Variants in ST8SIA2 observed in about 807,000 individuals in gnomAD.
The protein encoded by ST8SIA2 is alpha-2,8-sialyltransferase 8B.
A neutral mutation model predicts 37.6 loss-of-function variants in ST8SIA2; 22 were observed. That is an observed-to-expected ratio of 0.58 (90% CI 0.42 to 0.83). The LOEUF (loss-of-function observed/expected upper bound fraction) is 0.83. Among genes scored for constraint, ST8SIA2 ranks in the 40% least tolerant of loss-of-function variants. ST8SIA2 has a pLI of 0.00. For synonymous variants in ST8SIA2, 205 were observed against 201.2 expected (o/e 1.02, Z -0.16); for missense variants, 382 against 484.7 (o/e 0.79, Z 1.99).
chr15:92,402,670 A>G (rs1243747613), intron 1 of ST8SIA2, among the ~76,000 whole-genome samples: 2 of 152,172 alleles, frequency 1.3e-5, no homozygotes, highest in East Asian at 3.8e-4. Context: ...CATGGCAGCC[A>G]AAAGATCAGT....
At chr15:92,463,891 G>T (rs373104638) in intron 5 of ST8SIA2, among the ~76,000 whole-genome samples, 1 of 151,958 alleles carries the variant, frequency 6.6e-6, no homozygotes, top group Non-Finnish European at 1.5e-5. Flanking sequence ...ATAAACTCGT[G>T]TCTGTGACCG....
intron 5 of ST8SIA2, among the ~76,000 whole-genome samples, chr15:92,448,890 C>T (rs1196738377): frequency 6.6e-6 from 1 of 151,900 alleles, no homozygotes; most frequent in Non-Finnish European, 1.5e-5. Flanking sequence ...ATCTTGTTTC[C>T]TTATGTTAAG....
chr15:92,451,781 A>G (rs2049883801), intron 5 of ST8SIA2, among the ~76,000 whole-genome samples: 1 of 152,170 alleles, frequency 6.6e-6, no homozygotes, highest in African/African-American at 2.4e-5. Flanking sequence ...TTTTAAAGAT[A>G]GGAAAACTGA....
rs537970836 is a variant in ST8SIA2, at chr15:92,426,028, C to T, written c.99-4021C>T. Among the ~76,000 whole-genome samples, 9 of 152,148 alleles carry T rather than the reference C, an allele frequency of 5.9e-5. No homozygotes were observed. In the South Asian group the frequency reaches 1.5e-3, roughly 25 times the overall value. On this transcript the variant is annotated intron_variant, in intron 1 of 5. Coordinates refer to ENST00000268164, the MANE Select transcript of ST8SIA2 (RefSeq NM_006011.4). ...CAGAAAATAAAAGACATGGTTAACA[C>T]GCCCCCTCGAGGACTTACACTTTAT...
chr15:92,444,803 G>A lies in ST8SIA2; in HGVS notation c.716G>A (p.Trp239Ter). The change falls in exon 5 of 6, where the codon TGG (tryptophan) becomes TAG (stop). Residue 239 changes from tryptophan (W) to a stop codon, truncating the protein, a stop_gained. Coordinates refer to ENST00000268164, the MANE Select transcript of ST8SIA2 (RefSeq NM_006011.4). LOFTEE classifies it high-confidence loss of function. ...CACAGCCTCAATGGCAGCATCCTGT[G>A]GATCCCTGCCTTCATGGCCCGGGGC... ...RLHSLNGSILWIPAFMARGGK... is the reference protein window; with the variant it reads ...RLHSLNGSIL The A allele has an allele frequency of 6.2e-7, 1 of 1,614,144 alleles. No individual in the cohort carries two copies. Among genetic ancestry groups the A allele is most frequent in the Non-Finnish European group, 8.5e-7 (1 of 1,180,032 alleles).
In ST8SIA2 at chr15:92,462,162, C is replaced by G. The variant is rs539962063; in HGVS notation, c.843-1938C>G. ...TCGTGTTCACTCCGATTCTGGCCACCTAGGACCACAGCCTTCATCAGCAAT... is the reference window on the plus strand; with the variant it reads ...TCGTGTTCACTCCGATTCTGGCCACGTAGGACCACAGCCTTCATCAGCAAT... On this transcript the variant is annotated intron_variant, in intron 5 of 5. Coordinates refer to ENST00000268164, the MANE Select transcript of ST8SIA2 (RefSeq NM_006011.4). 2.6e-5 allele frequency among the ~76,000 whole-genome samples: 4 copies of G among 152,308 alleles called. No homozygotes were observed. The East Asian group carries it at 7.7e-4, about 29-fold the overall frequency.
intron 1 of ST8SIA2, chr15:92,420,982 G>A (rs1480172073): frequency 6.6e-6 from 1 of 152,236 alleles, no homozygotes; most frequent in Non-Finnish European, 1.5e-5. Context: ...GTGTGAAATT[G>A]GGGGACAGTA....
At chr15:92,424,574 G>T (rs1355004711) in intron 1 of ST8SIA2, among the ~76,000 whole-genome samples, 1 of 151,492 alleles carries the variant, frequency 6.6e-6, no homozygotes, top group Non-Finnish European at 1.5e-5. Flanking sequence ...ATTCTACTAG[G>T]AGAGAATATA....
At chr15:92,402,104 C>G (rs1174155335) in intron 1 of ST8SIA2, among the ~76,000 whole-genome samples, 1 of 152,050 alleles carries the variant, frequency 6.6e-6, no homozygotes, top group Non-Finnish European at 1.5e-5. Context: ...AGGGTGGTAA[C>G]CTCATGAGTC....
chr15:92,397,059 C>T (rs938616388), intron 1 of ST8SIA2, among the ~76,000 whole-genome samples: 2 of 152,108 alleles, frequency 1.3e-5, no homozygotes, highest in African/African-American at 4.8e-5. Flanking sequence ...TGGGAGAAAG[C>T]GATGGCTCTG....
chr15:92,416,472 C>G (rs1567213231), intron 1 of ST8SIA2, among the ~76,000 whole-genome samples: 1 of 152,036 alleles, frequency 6.6e-6, no homozygotes, highest in Non-Finnish European at 1.5e-5. Flanking sequence ...CCGGCGCGTG[C>G]AAAGGGCACA....
chr15:92,426,562 G>A (rs918792711), intron 1 of ST8SIA2, among the ~76,000 whole-genome samples: 1 of 152,194 alleles, frequency 6.6e-6, no homozygotes, highest in Non-Finnish European at 1.5e-5. Flanking sequence ...CTGGAAGCAG[G>A]AAAAGAGAAA....
intron 5 of ST8SIA2, among the ~76,000 whole-genome samples, chr15:92,447,345 G>A (rs1464827075): frequency 2.6e-5 from 4 of 152,218 alleles, no homozygotes; most frequent in Admixed American, 1.3e-4. Context: ...GCCCATGCAT[G>A]TTTGGGGGCA....
intron 1 of ST8SIA2, among the ~76,000 whole-genome samples, chr15:92,425,018 A>C (rs74777511): frequency 0.012 from 1,876 of 152,306 alleles, 17 homozygotes; most frequent in Middle Eastern, 0.034. Context: ...TATAGTGTGC[A>C]AAAAGTATCC....
At chr15:92,406,007 G>A (rs975198094) in intron 1 of ST8SIA2, among the ~76,000 whole-genome samples, 2 of 152,160 alleles carry the variant, frequency 1.3e-5, no homozygotes, top group South Asian at 2.1e-4. Context: ...ACCTGCCTAC[G>A]GGTGGCCTCT....
At chr15:92,445,100 G>A in intron 5 of ST8SIA2, 171 bp downstream of exon 5, 1 of 974,238 alleles carries the variant, frequency 1.0e-6, no homozygotes, top group Admixed American at 2.1e-5. Flanking sequence ...GAGATGAGGG[G>A]GTTTGGCAAG....
rs2049984182 is a variant in ST8SIA2 at position 92,465,273 on chromosome 15, G to A, written c.*888G>A. 6.6e-6 allele frequency: 1 copy of A among 152,214 alleles called. No individual in the cohort carries two copies. The highest frequency in any genetic ancestry group is 2.1e-4 in the South Asian group (1 of 4,828). 9.4% of individuals were successfully genotyped at this position (152,214 alleles called of 1,614,324 possible). A position where few individuals can be genotyped will look rare whatever the true frequency, so the allele number is the denominator to read the frequency against. ...AATGTGAGTCCACTGAGGAGGAAGA[G>A]ACCCTGGGATTTCACCCTCTGGGTT... is the stretch of plus-strand genomic sequence containing the variant. On this transcript the variant is annotated 3_prime_UTR_variant, in exon 6 of 6. Transcript: ENST00000268164.
At chr15:92,439,923 AG>A (rs1464452076) in intron 4 of ST8SIA2, among the ~76,000 whole-genome samples, 1 of 151,322 alleles carries the variant, frequency 6.6e-6, no homozygotes, top group Non-Finnish European at 1.5e-5. Context: ...GATCCTCTCC[AG>A]GAGTGCCCAG....
At chr15:92,461,587 A>G (rs1337566443) in intron 5 of ST8SIA2, among the ~76,000 whole-genome samples, 1 of 152,214 alleles carries the variant, frequency 6.6e-6, no homozygotes, top group Non-Finnish European at 1.5e-5. Flanking sequence ...AGGAATCTCA[A>G]TCTGAGCCTT....
Sources: gnomAD v4.1 joint callset for allele counts (sites outside exome capture counted in the v4.1 genomes callset) on GRCh38, gnomAD v4.1.1 for gene constraint, MANE v1.5 for transcripts, NCBI Gene and HGNC (gene_info 2026-07-23, HGNC 2026-07-21) for gene names.